Variants in TASP1 observed in about 807,000 individuals in gnomAD.
TASP1 encodes threonine aspartase 1.
TASP1 carries 16 observed loss-of-function variants against 56.6 expected under a neutral mutation model. That is an observed-to-expected ratio of 0.28 (90% confidence interval 0.19 to 0.43). The LOEUF (loss-of-function observed/expected upper bound fraction) is 0.43, where lower values mean the gene tolerates loss of function less well. TASP1 is among the 20% of genes least tolerant of loss of function. The pLI is 1.00. For synonymous variants in TASP1, 179 were observed against 184.2 expected (o/e 0.97, Z 0.23); for missense variants, 393 against 511.6 (o/e 0.77, Z 2.24).
chr20:13,277,311 G>C, the TASP1 span, among the ~76,000 whole-genome samples: 1 of 152,176 alleles, frequency 6.6e-6, no homozygotes, highest in African/African-American at 2.4e-5. Flanking sequence ...CTCCTACCCA[G>C]AGACTGATTT....
chr20:13,531,627 G>T (rs1357440953), intron 9 of TASP1, among the ~76,000 whole-genome samples: 4 of 151,746 alleles, frequency 2.6e-5, no homozygotes, highest in Non-Finnish European at 5.9e-5. Flanking sequence ...AAGTAGCTGG[G>T]ATTACAGGTG....
chr20:13,310,270 T>C, the TASP1 span, among the ~76,000 whole-genome samples: 5 of 152,160 alleles, frequency 3.3e-5, no homozygotes, highest in Non-Finnish European at 5.9e-5. Flanking sequence ...AAAGTAAATC[T>C]ACAAATTTGT....
chr20:13,547,281 G>A (rs1330889773), intron 8 of TASP1, among the ~76,000 whole-genome samples: 3 of 152,108 alleles, frequency 2.0e-5, no homozygotes, highest in Admixed American at 6.6e-5. Context: ...GTGCCAACTA[G>A]AAGAAAGAAA....
At chr20:13,125,245 G>A in the TASP1 span, among the ~76,000 whole-genome samples, 1 of 152,192 alleles carries the variant, frequency 6.6e-6, no homozygotes, top group Non-Finnish European at 1.5e-5. Flanking sequence ...TTTGGCCTCA[G>A]GAGTCAGGCA....
intron 10 of TASP1, among the ~76,000 whole-genome samples, chr20:13,495,670 T>C (rs921402371): frequency 1.3e-5 from 2 of 152,136 alleles, no homozygotes; most frequent in Admixed American, 6.5e-5. Context: ...ATAGACAATA[T>C]ACAATTTGGG....
At chr20:13,413,050 C>A (rs1037125321) in intron 13 of TASP1, among the ~76,000 whole-genome samples, 1 of 152,022 alleles carries the variant, frequency 6.6e-6, no homozygotes, top group African/African-American at 2.4e-5. Context: ...GGAGGGCAAC[C>A]CAGGCTCCAA....
chr20:13,182,652 C>A, the TASP1 span, among the ~76,000 whole-genome samples: 45 of 152,298 alleles, frequency 3.0e-4, no homozygotes, highest in Non-Finnish European at 6.0e-4. Flanking sequence ...CTTCCTGATT[C>A]TCTCCACATC....
intron 4 of TASP1, among the ~76,000 whole-genome samples, chr20:13,600,794 T>C (rs183342051): frequency 1.3e-5 from 2 of 152,032 alleles, no homozygotes; most frequent in East Asian, 3.9e-4. Flanking sequence ...TATGCACACA[T>C]ACATACATAC....
the TASP1 span, among the ~76,000 whole-genome samples, chr20:13,344,980 A>G: frequency 6.6e-6 from 1 of 152,142 alleles, no homozygotes; most frequent in Non-Finnish European, 1.5e-5. Context: ...AGCCTCACAC[A>G]GGCAAGCATG....
intron 6 of TASP1, among the ~76,000 whole-genome samples, chr20:13,575,359 T>C (rs902295140): frequency 2.0e-5 from 3 of 152,202 alleles, no homozygotes; most frequent in Non-Finnish European, 4.4e-5. Flanking sequence ...TACCCATGTG[T>C]CATGGGAGGG....
the TASP1 span, among the ~76,000 whole-genome samples, chr20:13,359,702 A>G: frequency 6.9e-6 from 1 of 145,968 alleles, no homozygotes; most frequent in Admixed American, 6.9e-5. Flanking sequence ...AGTTATCCCC[A>G]CCTGCCCAGT....
the TASP1 span, among the ~76,000 whole-genome samples, chr20:13,282,155 T>TC: frequency 0.025 from 3,796 of 152,204 alleles, 163 homozygotes; most frequent in African/African-American, 0.083. Flanking sequence ...AATTTTTTTT[T>TC]CAATCCCGAT....
the TASP1 span, among the ~76,000 whole-genome samples, chr20:13,363,633 G>A: frequency 6.6e-6 from 1 of 152,196 alleles, no homozygotes; most frequent in African/African-American, 2.4e-5. Context: ...GCAATTTTCA[G>A]TTAGCATCAG....
chr20:13,203,700 C>A, the TASP1 span, among the ~76,000 whole-genome samples: 2 of 152,156 alleles, frequency 1.3e-5, no homozygotes, highest in African/African-American at 2.4e-5. Context: ...CTGCCTATTT[C>A]TCTTCATGCC....
chr20:13,241,608 T>C, the TASP1 span, among the ~76,000 whole-genome samples: 1 of 152,176 alleles, frequency 6.6e-6, no homozygotes, highest in Non-Finnish European at 1.5e-5. Context: ...TACCATCTCA[T>C]GACTCCTGTT....
chr20:13,624,809 G>A (rs1232261202), intron 3 of TASP1, among the ~76,000 whole-genome samples: 2 of 152,070 alleles, frequency 1.3e-5, no homozygotes, highest in Non-Finnish European at 2.9e-5. Context: ...AAAAGTATAG[G>A]AAAGTACCCA....
At chr20:13,348,803 C>T in the TASP1 span, among the ~76,000 whole-genome samples, 50 of 152,282 alleles carry the variant, frequency 3.3e-4, no homozygotes, top group African/African-American at 1.1e-3. Flanking sequence ...CAGATTCATA[C>T]GTAAGCTAAG....
chr20:13,636,998 T>A (rs1029525656), intron 1 of TASP1, among the ~76,000 whole-genome samples: 3 of 152,114 alleles, frequency 2.0e-5, no homozygotes, highest in Non-Finnish European at 4.4e-5. Context: ...ATATTGCAAA[T>A]CATGTATCTG....
the TASP1 span, among the ~76,000 whole-genome samples, chr20:13,106,077 G>A: frequency 6.6e-6 from 1 of 151,854 alleles, no homozygotes; most frequent in South Asian, 2.1e-4. Flanking sequence ...CACGCTCTTG[G>A]GAACGTTCAA....
Sources: gnomAD v4.1 joint callset for allele counts (sites outside exome capture counted in the v4.1 genomes callset) on GRCh38, gnomAD v4.1.1 for gene constraint, MANE v1.5 for transcripts, NCBI Gene and HGNC (gene_info 2026-07-23, HGNC 2026-07-21) for gene names.